The following PIP4K2A variants were observed in gnomAD, a reference collection of about 807,000 sequenced individuals.
PIP4K2A encodes phosphatidylinositol-5-phosphate 4-kinase type 2 alpha, also known as phosphatidylinositol 5-phosphate 4-kinase type-2 alpha.
A neutral mutation model predicts 42.9 loss-of-function variants in PIP4K2A; 14 were observed. That is an observed-to-expected ratio of 0.33 (90% CI 0.22 to 0.51). The LOEUF is 0.51. Among genes scored for constraint, PIP4K2A ranks in the 20% least tolerant of loss-of-function variants. The pLI is 0.97. For synonymous variants in PIP4K2A, 192 were observed against 192.2 expected (o/e 1.00, Z 0.01); for missense variants, 434 against 519.8 (o/e 0.83, Z 1.61).
intron 1 of PIP4K2A, among the ~76,000 whole-genome samples, chr10:22,690,377 C>G (rs1839841318): frequency 6.6e-6 from 1 of 152,224 alleles, no homozygotes; most frequent in Non-Finnish European, 1.5e-5. Flanking sequence ...TAAGTTAATA[C>G]AGCATCGGGA....
chr10:22,611,502 T>C (rs749699144), intron 1 of PIP4K2A, among the ~76,000 whole-genome samples: 1 of 149,646 alleles, frequency 6.7e-6, no homozygotes, highest in Non-Finnish European at 1.5e-5. Context: ...GTAGTTAAAC[T>C]AAAGAAGGCC....
At chr10:22,612,635 G>A (rs1352827140) in intron 1 of PIP4K2A, among the ~76,000 whole-genome samples, 2 of 152,188 alleles carry the variant, frequency 1.3e-5, no homozygotes, top group Non-Finnish European at 2.9e-5. Context: ...GAGAGACTCC[G>A]GCATGCTGAA....
chr10:22,614,421 G>C (rs1433093495), intron 1 of PIP4K2A, among the ~76,000 whole-genome samples: 2 of 152,202 alleles, frequency 1.3e-5, no homozygotes, highest in African/African-American at 4.8e-5. Context: ...AGATCTGACA[G>C]CTACTTTATG....
chr10:22,574,570 T>G (rs1440717690), intron 4 of PIP4K2A, among the ~76,000 whole-genome samples: 8 of 152,074 alleles, frequency 5.3e-5, no homozygotes, highest in Non-Finnish European at 1.2e-4. Context: ...ACCTTAAGAA[T>G]GAAAAAGTCT....
chr10:22,585,795 T>C (rs1033241900), intron 4 of PIP4K2A, among the ~76,000 whole-genome samples: 5 of 152,064 alleles, frequency 3.3e-5, no homozygotes, highest in African/African-American at 4.8e-5. Context: ...CGGATTTCAC[T>C]GTGTTGGCTA....
intron 1 of PIP4K2A, among the ~76,000 whole-genome samples, chr10:22,625,512 G>C (rs938528527): frequency 6.6e-6 from 1 of 152,126 alleles, no homozygotes; most frequent in African/African-American, 2.4e-5. Context: ...AAAATCTGGA[G>C]TCTATTGTTC....
intron 1 of PIP4K2A, among the ~76,000 whole-genome samples, chr10:22,660,941 C>T (rs1010886376): frequency 2.0e-5 from 3 of 152,052 alleles, no homozygotes; most frequent in Non-Finnish European, 4.4e-5. Flanking sequence ...GTGATAACGA[C>T]GTGTCAATGT....
chr10:22,656,841 G>A (rs1051260180), intron 1 of PIP4K2A, among the ~76,000 whole-genome samples: 1 of 151,096 alleles, frequency 6.6e-6, no homozygotes, highest in Admixed American at 6.6e-5. Flanking sequence ...GCCAGGCCAT[G>A]GTAAACTATA....
Position 22,643,140 on chromosome 10 carries a change from G to A in PIP4K2A, c.145-33423C>T, listed in dbSNP as rs142194378. On this transcript the variant is annotated intron_variant, in intron 1 of 9. Coordinates refer to ENST00000376573, the MANE Select transcript of PIP4K2A (RefSeq NM_005028.5). ...TGAGGACTTGGCTCCTGGAGCTCCAGTTTTCCCAACTCCAAGTCTCGGGCC... is the reference window on the plus strand; with the variant it reads ...TGAGGACTTGGCTCCTGGAGCTCCAATTTTCCCAACTCCAAGTCTCGGGCC... Among the ~76,000 whole-genome samples, 528 of 152,212 alleles carry A rather than the reference G, an allele frequency of 3.5e-3. 2 individuals carry two copies. The highest frequency in any genetic ancestry group is 0.012 in the African/African-American group (508 of 41,536).
chr10:22,567,856 C>G lies in PIP4K2A; in HGVS notation c.673G>C (p.Glu225Gln). 1 of 1,613,658 alleles carries G rather than the reference C, an allele frequency of 6.2e-7. No individual in the cohort carries two copies. Among genetic ancestry groups the G allele is most frequent in the Non-Finnish European group, 8.5e-7 (1 of 1,179,506 alleles). ...STVAREASDK[E>Q]KAKELPTLKD... ...ACATACAGCAAGGTACTTACCTTTTCTTTGTCACTAGCTTCTCTAGCCACT... is the reference window on the plus strand; with the variant it reads ...ACATACAGCAAGGTACTTACCTTTTGTTTGTCACTAGCTTCTCTAGCCACT... The change falls in exon 6 of 10, where the codon GAA becomes CAA. Residue 225 changes from glutamate to glutamine, a missense_variant. Glu to Gln is a conservative substitution (Grantham distance 29, BLOSUM62 2). Transcript: ENST00000376573.
chr10:22,588,022 AT>A (rs1160065902), intron 4 of PIP4K2A, among the ~76,000 whole-genome samples: 3 of 152,168 alleles, frequency 2.0e-5, no homozygotes, highest in African/African-American at 7.2e-5. Context: ...TTTCTGTGGA[AT>A]TCTCTGATCA....
At chr10:22,568,641 G>A (rs1588631460) in intron 5 of PIP4K2A, among the ~76,000 whole-genome samples, 1 of 152,290 alleles carries the variant, frequency 6.6e-6, no homozygotes, top group East Asian at 1.9e-4. Flanking sequence ...TTAGAGCTCT[G>A]GGTTGTCTAG....
chr10:22,573,066 T>C (rs144407021), intron 5 of PIP4K2A, among the ~76,000 whole-genome samples: 1 of 152,326 alleles, frequency 6.6e-6, no homozygotes, highest in African/African-American at 2.4e-5. Flanking sequence ...TTCCAGCATC[T>C]AGAACAGTGC....
At chr10:22,664,060 T>TATACACACACACACACACAC (rs570101374) in intron 1 of PIP4K2A, among the ~76,000 whole-genome samples, 28 of 83,064 alleles carry the variant, frequency 3.4e-4, no homozygotes, top group African/African-American at 5.8e-4. Context: ...TATGTATATA[T>TATACACACACACACACACAC]ACATATATAT....
intron 3 of PIP4K2A, among the ~76,000 whole-genome samples, chr10:22,604,078 T>C (rs914792857): frequency 6.6e-6 from 1 of 152,184 alleles, no homozygotes; most frequent in Non-Finnish European, 1.5e-5. Context: ...GTGGTACTGT[T>C]ATTAACAATG....
chr10:22,695,479 C>A (rs1396057714), intron 1 of PIP4K2A, among the ~76,000 whole-genome samples: 1 of 152,150 alleles, frequency 6.6e-6, no homozygotes, highest in Non-Finnish European at 1.5e-5. Flanking sequence ...TTGTTTCTCC[C>A]AGTACAATCA....
chr10:22,710,932 T>C (rs1331066716), intron 1 of PIP4K2A, among the ~76,000 whole-genome samples: 1 of 152,344 alleles, frequency 6.6e-6, no homozygotes, highest in East Asian at 1.9e-4. Context: ...AGTATCTATT[T>C]AAAACAAGTC....
At chr10:22,563,174 T>C (rs1836752785) in intron 6 of PIP4K2A, among the ~76,000 whole-genome samples, 3 of 152,184 alleles carry the variant, frequency 2.0e-5, no homozygotes, top group Non-Finnish European at 4.4e-5. Flanking sequence ...CAAGTGAGCA[T>C]TTTTAATATA....
intron 1 of PIP4K2A, chr10:22,713,809 C>T (rs1177904510): frequency 6.4e-6 from 1 of 157,012 alleles, no homozygotes; most frequent in Non-Finnish European, 1.4e-5. Context: ...CCCCCAGCAG[C>T]TCCCGCCGGG....
Sources: gnomAD v4.1 joint callset for allele counts (sites outside exome capture counted in the v4.1 genomes callset) on GRCh38, gnomAD v4.1.1 for gene constraint, MANE v1.5 for transcripts, NCBI Gene and HGNC (gene_info 2026-07-23, HGNC 2026-07-21) for gene names.